The following FBXO25 variants were observed in gnomAD, a reference collection of about 807,000 sequenced individuals.
The protein encoded by FBXO25 is F-box protein 25.
Under a neutral mutation model 51.9 loss-of-function variants are expected in FBXO25, and 45 were observed. The ratio of observed to expected loss-of-function variants is 0.87; its 90% CI spans 0.68 to 1.11. The LOEUF is 1.11. Among genes scored for constraint, FBXO25 ranks in the 50% most tolerant of loss-of-function variants. The pLI, the probability that FBXO25 is intolerant of heterozygous loss-of-function variation, is 0.00. For synonymous variants in FBXO25, 199 were observed against 151.0 expected, an observed-to-expected ratio of 1.32 and a Z score of -2.33; for missense variants, 507 against 428.5, an observed-to-expected ratio of 1.18 and a Z score of -1.62.
At chr8:442,712 T>G (rs1053467843) in intron 5 of FBXO25, among the ~76,000 whole-genome samples, 2 of 152,168 alleles carry the variant, frequency 1.3e-5, no homozygotes, top group African/African-American at 2.4e-5. Context: ...TCAGGTGATC[T>G]GGCTGCCTCG....
At chr8:443,252 C>T (rs1029143897) in intron 5 of FBXO25, among the ~76,000 whole-genome samples, 3 of 150,890 alleles carry the variant, frequency 2.0e-5, no homozygotes, top group African/African-American at 4.9e-5. Flanking sequence ...AGTTTGTCCT[C>T]CAGGCAAGTA....
intron 2 of FBXO25, among the ~76,000 whole-genome samples, chr8:423,719 G>A (rs1797295983): frequency 6.6e-6 from 1 of 152,188 alleles, no homozygotes; most frequent in Non-Finnish European, 1.5e-5. Context: ...TTGATTCTGT[G>A]TCTTTACTAT....
In FBXO25 at chr8:474,527, T is replaced by A. The variant is rs929360081; in HGVS notation, c.*5723T>A. 26 of 344,110 alleles carry A rather than the reference T, an allele frequency of 7.6e-5. No homozygotes were observed. Among genetic ancestry groups the A allele is most frequent in the African/African-American group, 5.0e-4 (23 of 46,022 alleles). The allele number at this position is 344,110 out of a possible 1,614,324, so 21.3% of individuals were successfully genotyped here. A position where few individuals can be genotyped will look rare whatever the true frequency, so the allele number is the denominator to read the frequency against. ...TTTACATTCCCACTGAAGGTTCCAG[T>A]TTTGCCACATCCTTGCCAACACCTG... On this transcript the variant is annotated 3_prime_UTR_variant, in exon 10 of 10. Coordinates refer to ENST00000350302, the MANE Select transcript of FBXO25 (RefSeq NM_183420.2).
At chr8:440,715 C>G (rs1308871298) in intron 5 of FBXO25, among the ~76,000 whole-genome samples, 2 of 152,068 alleles carry the variant, frequency 1.3e-5, no homozygotes, top group Admixed American at 6.5e-5. Flanking sequence ...TTAGGTATTT[C>G]TCCTAATGCT....
chr8:445,418 C>T (rs1798677539), intron 5 of FBXO25, among the ~76,000 whole-genome samples: 1 of 152,188 alleles, frequency 6.6e-6, no homozygotes, highest in Non-Finnish European at 1.5e-5. Flanking sequence ...GTTCCAAACC[C>T]AAATGTTGTC....
chr8:472,724 C>T lies in FBXO25; in HGVS notation c.*3920C>T, dbSNP rs1163267358. On this transcript the variant is annotated 3_prime_UTR_variant, in exon 10 of 10. Transcript: ENST00000350302. ...TTTAAGAGGATAAGACCATTTTCTC[C>T]AGAGATGCCTTTTAATGGTTTTTCT... 6.6e-6 allele frequency: 1 copy of T among 152,220 alleles called. No homozygotes were observed. Among genetic ancestry groups the T allele is most frequent in the Non-Finnish European group, 1.5e-5 (1 of 68,050 alleles). The allele number at this position is 152,220 out of a possible 1,614,324, so 9.4% of individuals were successfully genotyped here.
chr8:466,007 T>G (rs113666411), intron 9 of FBXO25, among the ~76,000 whole-genome samples: 17 of 152,296 alleles, frequency 1.1e-4, no homozygotes, highest in African/African-American at 3.8e-4. Context: ...ATCTCTTAGT[T>G]CTGGGAGGTT....
chr8:430,111 C>G (rs1403183605), intron 2 of FBXO25, among the ~76,000 whole-genome samples: 1 of 152,232 alleles, frequency 6.6e-6, no homozygotes, highest in Non-Finnish European at 1.5e-5. Context: ...CTTCCATATT[C>G]TGTCTTTATT....
rs1315215845 is a variant in FBXO25 at position 475,867 on chromosome 8, T to G, written c.*7063T>G. 1.3e-5 allele frequency: 2 copies of G among 152,170 alleles called. No homozygotes were observed. Among genetic ancestry groups the G allele is most frequent in the African/African-American group, 2.4e-5 (1 of 41,452 alleles). 9.4% of individuals were successfully genotyped at this position (152,170 alleles called of 1,614,324 possible). On this transcript the variant is annotated 3_prime_UTR_variant, in exon 10 of 10. Transcript: ENST00000350302. ...GATAATTTTGCTTCTTCCTTTCCAG[T>G]CTGGATGCCTTTTATTTCTTTTTCT... is the stretch of plus-strand genomic sequence containing the variant.
intron 4 of FBXO25, among the ~76,000 whole-genome samples, chr8:433,925 C>T (rs1348894127): frequency 6.6e-6 from 1 of 152,192 alleles, no homozygotes; most frequent in African/African-American, 2.4e-5. Flanking sequence ...GATTATTTGA[C>T]AGAATCTAAC....
Position 471,546 on chromosome 8 carries a change from G to C in FBXO25, c.*2742G>C, listed in dbSNP as rs888887915. 6.6e-6 allele frequency: 1 copy of C among 152,142 alleles called. No individual in the cohort carries two copies. Among genetic ancestry groups the C allele is most frequent in the African/African-American group, 2.4e-5 (1 of 41,436 alleles). The allele number at this position is 152,142 out of a possible 1,614,324, so 9.4% of individuals were successfully genotyped here. On this transcript the variant is annotated 3_prime_UTR_variant, in exon 10 of 10. Coordinates refer to ENST00000350302, the MANE Select transcript of FBXO25 (RefSeq NM_183420.2). ...CCAGGAGCCTAAAGCCAGGTAGTAA[G>C]TTTCACTTGCCCATCGCTCCTGTGA... is the stretch of plus-strand genomic sequence containing the variant.
chr8:448,562 C>G (rs1214217274), intron 5 of FBXO25, among the ~76,000 whole-genome samples: 1 of 152,250 alleles, frequency 6.6e-6, no homozygotes, highest in African/African-American at 2.4e-5. Context: ...TCAGGGAATA[C>G]TTACTGTTCT....
rs4045408 is a variant in FBXO25, at chr8:447,028, C to A, written c.382-2962C>A. Among the ~76,000 whole-genome samples the A allele has an allele frequency of 1.6e-4, 25 of 152,300 alleles. 1 individual carries two copies. The South Asian group carries it at 5.2e-3, about 32-fold the overall frequency. ...AAGCAGCTAAGCCTGGGCAGTGATA[C>A]TATAGGCGGAACTGAGCAGAAGGGC... On this transcript the variant is annotated intron_variant, in intron 5 of 9. Transcript: ENST00000350302.
At position 450,033 on chromosome 8, in the gene FBXO25, G is replaced by A; in HGVS notation, c.425G>A (p.Gly142Asp). Residue 142 changes from glycine (G) to aspartate (D), a missense_variant, in exon 6 of 10, where the codon GGC becomes GAC. Coordinates refer to ENST00000350302, the MANE Select transcript of FBXO25 (RefSeq NM_183420.2). ...IAKSQLTSLS[G>D]VAQKNYFNIL... is the part of the protein sequence containing the mutation. The stretch of plus-strand genomic sequence containing the variant: ...AAATCCCAGTTAACTTCATTGAGTG[G>A]CGTGGCACAGAAGAATTACTTCAAC... 3.7e-6 allele frequency: 6 copies of A among 1,613,204 alleles called. No homozygotes were observed. The highest frequency in any genetic ancestry group is 5.1e-6 in the Non-Finnish European group (6 of 1,179,716).
chr8:417,438 A>T (rs866080321), intron 2 of FBXO25, among the ~76,000 whole-genome samples: 1 of 152,188 alleles, frequency 6.6e-6, no homozygotes, highest in Non-Finnish European at 1.5e-5. Context: ...CAAATCCTGG[A>T]TGTATTCTGC....
At chr8:453,143 A>T (rs1799198600) in intron 7 of FBXO25, among the ~76,000 whole-genome samples, 1 of 152,196 alleles carries the variant, frequency 6.6e-6, no homozygotes, top group Non-Finnish European at 1.5e-5. Flanking sequence ...TGCCATTTTG[A>T]TCAAGTGGGA....
chr8:429,186 C>T (rs946834470), intron 2 of FBXO25, among the ~76,000 whole-genome samples: 1 of 152,042 alleles, frequency 6.6e-6, no homozygotes, highest in Admixed American at 6.6e-5. Context: ...AGTTTCCCCA[C>T]ATGCATGTCA....
chr8:408,110 CTTAT>C (rs1213549325), intron 1 of FBXO25, among the ~76,000 whole-genome samples: 1 of 152,162 alleles, frequency 6.6e-6, no homozygotes, highest in African/African-American at 2.4e-5. Context: ...TAGAGTACAA[CTTAT>C]TTCTGACTCT....
intron 3 of FBXO25, 80 bp from the exon 4 acceptor site, chr8:432,806 C>G (rs1025819205): frequency 7.1e-7 from 1 of 1,402,690 alleles, no homozygotes; most frequent in Non-Finnish European, 9.4e-7. Flanking sequence ...GTTAACATGT[C>G]CAATTATTTA....
Sources: gnomAD v4.1 joint callset for allele counts (sites outside exome capture counted in the v4.1 genomes callset) on GRCh38, gnomAD v4.1.1 for gene constraint, MANE v1.5 for transcripts, NCBI Gene and HGNC (gene_info 2026-07-23, HGNC 2026-07-21) for gene names.